GNAL: variants seen among roughly 807,000 people sequenced by gnomAD.
GNAL encodes G protein subunit alpha L, also known as guanine nucleotide-binding protein G(olf) subunit alpha.
A neutral mutation model predicts 55.1 loss-of-function variants in GNAL; 18 were observed. The observed-to-expected ratio is 0.33, with a 90% CI of 0.23 to 0.48. The LOEUF (loss-of-function observed/expected upper bound fraction) is 0.48. GNAL is among the 20% of genes least tolerant of loss of function. The pLI is 0.99. For synonymous variants in GNAL, 253 were observed against 237.0 expected (o/e 1.07, Z -0.62); for missense variants, 412 against 614.1 (o/e 0.67, Z 3.48).
chr18:11,703,504 CTCTT>C (rs1490301379), intron 1 of GNAL, among the ~76,000 whole-genome samples: 2 of 152,114 alleles, frequency 1.3e-5, no homozygotes, highest in Admixed American at 6.6e-5. Flanking sequence ...AGTTATGTGA[CTCTT>C]TATCTCTGAA....
chr18:11,731,362 G>A (rs1233525812), intron 1 of GNAL, among the ~76,000 whole-genome samples: 1 of 152,218 alleles, frequency 6.6e-6, no homozygotes, highest in Non-Finnish European at 1.5e-5. Context: ...TGGCCAGGCT[G>A]GTTCTCCAAC....
At chr18:11,769,915 T>G (rs1257858336) in intron 4 of GNAL, among the ~76,000 whole-genome samples, 2 of 152,226 alleles carry the variant, frequency 1.3e-5, no homozygotes, top group African/African-American at 2.4e-5. Flanking sequence ...GAACATTTTT[T>G]TAAAAATATT....
intron 4 of GNAL, among the ~76,000 whole-genome samples, chr18:11,781,808 A>G (rs2033929728): frequency 6.6e-6 from 1 of 152,202 alleles, no homozygotes; most frequent in African/African-American, 2.4e-5. Context: ...AGGAGATGCT[A>G]TTGCCAAAAG....
intron 4 of GNAL, among the ~76,000 whole-genome samples, chr18:11,779,165 A>AAG (rs1275173458): frequency 2.6e-5 from 4 of 152,198 alleles, no homozygotes; most frequent in African/African-American, 9.6e-5. Flanking sequence ...CTGCAGTGTG[A>AAG]AGAATGGGCC....
In GNAL at chr18:11,752,269, G is replaced by A. The variant is rs1598428915; in HGVS notation, c.377-584G>A. On this transcript the variant is annotated intron_variant, in intron 1 of 11. Transcript: ENST00000334049. This position sits in a 1 kb window ranked among gnomAD's most constrained non-coding sequence, Gnocchi z 4.5. Reference sequence around the variant, plus strand: ...GGGAGTTTGCGGTGGGCAGGGGGAGGGAGAAGAAACGCCTGCTCTGAATCG... The same window carrying A: ...GGGAGTTTGCGGTGGGCAGGGGGAGAGAGAAGAAACGCCTGCTCTGAATCG... 4 of 1,383,258 alleles carry A rather than the reference G, an allele frequency of 2.9e-6. No homozygotes were observed. The highest frequency in any genetic ancestry group is 2.8e-6 in the Non-Finnish European group (3 of 1,066,736). The allele number at this position is 1,383,258 out of a possible 1,614,324, so 85.7% of individuals were successfully genotyped here.
intron 1 of GNAL, among the ~76,000 whole-genome samples, chr18:11,716,039 T>C (rs1598408646): frequency 6.6e-6 from 1 of 152,320 alleles, no homozygotes; most frequent in East Asian, 1.9e-4. Flanking sequence ...GGAACGCTTA[T>C]ACACTGTTGG....
At chr18:11,801,703 C>T (rs1352991590) in intron 4 of GNAL, among the ~76,000 whole-genome samples, 1 of 149,146 alleles carries the variant, frequency 6.7e-6, no homozygotes, top group Non-Finnish European at 1.5e-5. Context: ...CAATTTGGAT[C>T]CAGTTTGAAA....
At chr18:11,806,731 CT>C (rs33956319) in intron 4 of GNAL, among the ~76,000 whole-genome samples, 4,193 of 139,538 alleles carry the variant, frequency 0.03, 124 homozygotes, top group African/African-American at 0.079. Context: ...GTGAAGTACT[CT>C]TTTTTTTTTT....
At position 11,689,363 on chromosome 18, in the gene GNAL, G is replaced by C; in HGVS notation, c.-201G>C. The C allele has an allele frequency of 2.9e-6, 1 of 349,294 alleles. No homozygotes were observed. 21.6% of individuals were successfully genotyped at this position (349,294 alleles called of 1,614,324 possible). A position where few individuals can be genotyped will look rare whatever the true frequency, so the allele number is the denominator to read the frequency against. Reference sequence around the variant, plus strand: ...AAATGCAAAATGACCCTCTGGGGCAGTGAGGGGCTGTGGCCCTCGGCCCCG... The same window carrying C: ...AAATGCAAAATGACCCTCTGGGGCACTGAGGGGCTGTGGCCCTCGGCCCCG... On this transcript the variant is annotated 5_prime_UTR_variant, in exon 1 of 12. Coordinates refer to ENST00000334049, the MANE Select transcript of GNAL (RefSeq NM_182978.4).
At position 11,885,468 on chromosome 18, in the gene GNAL, T is replaced by G. The variant is rs559938711; in HGVS notation, c.*4333T>G. ...ACCTGGACGGTGCCCTGCCCTCGCT[T>G]CTCACATTAACTGCCCAGGAATGTC... On this transcript the variant is annotated 3_prime_UTR_variant, in exon 12 of 12. Coordinates refer to ENST00000334049, the MANE Select transcript of GNAL (RefSeq NM_182978.4). The G allele has an allele frequency of 5.1e-5, 31 of 609,590 alleles. No homozygotes were observed. In the South Asian group the frequency reaches 6.7e-4, roughly 13 times the overall value. 37.8% of individuals were successfully genotyped at this position (609,590 alleles called of 1,614,324 possible).
At chr18:11,858,812 G>A (rs2036065833) in intron 5 of GNAL, among the ~76,000 whole-genome samples, 2 of 152,122 alleles carry the variant, frequency 1.3e-5, no homozygotes, top group Non-Finnish European at 2.9e-5. Context: ...GACCTCCCAC[G>A]TCTCACTTAG....
At chr18:11,735,113 C>G (rs4547404) in intron 1 of GNAL, among the ~76,000 whole-genome samples, 22,473 of 151,138 alleles carry the variant, frequency 0.15, 2,972 homozygotes, top group African/African-American at 0.36. Context: ...TGCAATGGCA[C>G]GATCTTGGCT....
intron 1 of GNAL, among the ~76,000 whole-genome samples, chr18:11,696,022 T>C (rs1027763334): frequency 3.3e-5 from 5 of 152,256 alleles, no homozygotes; most frequent in African/African-American, 9.6e-5. Flanking sequence ...GTAAATGTCT[T>C]TCTTAATGAA....
rs1183605782 is a variant in GNAL, at chr18:11,751,752, A to AC, written c.377-1097dup. 5 of 714,178 alleles carry AC rather than the reference A, an allele frequency of 7.0e-6. No homozygotes were observed. Among genetic ancestry groups the AC allele is most frequent in the Non-Finnish European group, 8.6e-6 (5 of 581,830 alleles). The allele number at this position is 714,178 out of a possible 1,614,324, so 44.2% of individuals were successfully genotyped here. A position where few individuals can be genotyped will look rare whatever the true frequency, so the allele number is the denominator to read the frequency against. Reference sequence around the variant, plus strand: ...GGCTCCGTGGGGGGTCAGCTCCCTGACCCCTACAGCGCGGTAGCGCCTCTC... The same window carrying AC: ...GGCTCCGTGGGGGGTCAGCTCCCTGACCCCCTACAGCGCGGTAGCGCCTCTC... On this transcript the variant is annotated intron_variant, in intron 1 of 11. Transcript: ENST00000334049. This position sits in a 1 kb window ranked among gnomAD's most constrained non-coding sequence, Gnocchi z 4.5.
intron 6 of GNAL, among the ~76,000 whole-genome samples, chr18:11,862,961 C>T (rs1032047132): frequency 6.6e-6 from 1 of 151,236 alleles, no homozygotes; most frequent in Non-Finnish European, 1.5e-5. Context: ...TCACTGCAAC[C>T]TCTGCCTCCC....
chr18:11,838,214 T>C (rs564748524), intron 5 of GNAL, among the ~76,000 whole-genome samples: 46 of 152,344 alleles, frequency 3.0e-4, no homozygotes, highest in Middle Eastern at 6.8e-3. Flanking sequence ...TAGAATGTTA[T>C]TCAGTTACAA....
Position 11,714,309 on chromosome 18 carries a change from C to T in GNAL, c.376+24370C>T, listed in dbSNP as rs115916382. On this transcript the variant is annotated intron_variant, in intron 1 of 11. Transcript: ENST00000334049. ...TAGGATTTGTGGACTGTGCTTTTTC[C>T]AAAAGAGGATTTTAAGAACTTTAAA... Among the ~76,000 whole-genome samples the T allele has an allele frequency of 5.1e-3, 776 of 151,924 alleles. 6 individuals are homozygous for T. The highest frequency in any genetic ancestry group is 0.018 in the African/African-American group (739 of 41,410).
intron 3 of GNAL, 28 bp from the exon 4 acceptor site, chr18:11,753,798 C>G: frequency 6.4e-7 from 1 of 1,572,134 alleles, no homozygotes; most frequent in Non-Finnish European, 8.7e-7. Flanking sequence ...AAATGTTTAT[C>G]CATATTTTTT....
intron 1 of GNAL, among the ~76,000 whole-genome samples, chr18:11,714,026 C>A (rs1429580932): frequency 7.2e-5 from 11 of 152,218 alleles, no homozygotes; most frequent in Non-Finnish European, 1.6e-4. Context: ...GGAACAGCTT[C>A]AGAGTCGTGG....
Sources: allele counts gnomAD v4.1 joint callset (sites outside exome capture counted in the v4.1 genomes callset), GRCh38; gene constraint gnomAD v4.1.1; non-coding constraint Gnocchi (gnomAD v3.1); transcripts MANE v1.5; gene names NCBI Gene and HGNC (gene_info 2026-07-23, HGNC 2026-07-21).